KCNMB2: variants seen among roughly 807,000 people sequenced by gnomAD.
KCNMB2 encodes potassium calcium-activated channel subfamily M regulatory beta subunit 2.
A neutral mutation model predicts 24.5 loss-of-function variants in KCNMB2; 9 were observed. The observed-to-expected ratio is 0.37, with a 90% CI of 0.22 to 0.64. The LOEUF is 0.64. Among genes scored for constraint, KCNMB2 ranks in the 30% least tolerant of loss-of-function variants. The probability of loss-of-function intolerance (pLI) is 0.63; values close to 1 mark genes in which losing one functional copy is unlikely to be tolerated. For missense variants in KCNMB2, 226 were observed against 284.3 expected, an observed-to-expected ratio of 0.79 and a Z score of 1.47; for synonymous variants, 109 against 104.4, an observed-to-expected ratio of 1.04 and a Z score of -0.27.
chr3:178,632,462 C>A (rs1719355181), intron 1 of KCNMB2, among the ~76,000 whole-genome samples: 1 of 152,120 alleles, frequency 6.6e-6, no homozygotes, highest in South Asian at 2.1e-4. Flanking sequence ...CAAATATGTC[C>A]TTCTTCACAT....
At chr3:178,691,127 T>TTTTTTTTTTTA (rs1721659605) in intron 1 of KCNMB2, among the ~76,000 whole-genome samples, 1 of 145,770 alleles carries the variant, frequency 6.9e-6, no homozygotes, top group Non-Finnish European at 1.5e-5. Context: ...TTTTTTTTTT[T>TTTTTTTTTTTA]GATAGAGACG....
rs1013561103 is a variant in KCNMB2, at chr3:178,844,115, G to A, written c.*1178G>A. 6 of 152,362 alleles carry A rather than the reference G, an allele frequency of 3.9e-5. No individual in the cohort carries two copies. Among genetic ancestry groups the A allele is most frequent in the Admixed American group, 2.0e-4 (3 of 15,244 alleles). 9.4% of individuals were successfully genotyped at this position (152,362 alleles called of 1,614,324 possible). A position where few individuals can be genotyped will look rare whatever the true frequency, so the allele number is the denominator to read the frequency against. On this transcript the variant is annotated 3_prime_UTR_variant, in exon 5 of 5. Coordinates refer to ENST00000452583, the MANE Select transcript of KCNMB2 (RefSeq NM_181361.3). ...CACATTGCTATTTACTTTTGTGTTT[G>A]GGGGAAAATACGAGGGATTGATTTT...
intron 1 of KCNMB2, among the ~76,000 whole-genome samples, chr3:178,542,988 G>A (rs1344764599): frequency 6.6e-6 from 1 of 152,122 alleles, no homozygotes; most frequent in Non-Finnish European, 1.5e-5. Context: ...ACCATGCTTG[G>A]CACAAATTAG....
At chr3:178,578,392 G>C (rs556230470) in intron 1 of KCNMB2, among the ~76,000 whole-genome samples, 10 of 152,246 alleles carry the variant, frequency 6.6e-5, no homozygotes, top group African/African-American at 1.9e-4. Flanking sequence ...TAAATATGGA[G>C]AGGAAAAACT....
chr3:178,696,000 G>A (rs1202097889), intron 1 of KCNMB2, among the ~76,000 whole-genome samples: 4 of 152,158 alleles, frequency 2.6e-5, no homozygotes, highest in African/African-American at 9.7e-5. Context: ...CTGAGACTGG[G>A]TCATTTATAA....
At chr3:178,665,492 C>T (rs1236443370) in intron 1 of KCNMB2, among the ~76,000 whole-genome samples, 1 of 152,066 alleles carries the variant, frequency 6.6e-6, no homozygotes, top group East Asian at 1.9e-4. Flanking sequence ...CATAGTGTTT[C>T]TTTATAGTGT....
At position 178,623,456 on chromosome 3, in the gene KCNMB2, G is replaced by A. The variant is rs538481848; in HGVS notation, c.-68+86745G>A. ...AATCATCAACTTGAATTTTAGTTCT[G>A]ACAGTGAACAAGCCAGGAACTCTTA... is the stretch of plus-strand genomic sequence containing the variant. On this transcript the variant is annotated intron_variant, in intron 1 of 4. Transcript: ENST00000452583. Among the ~76,000 whole-genome samples, 74 of 152,258 alleles carry A rather than the reference G, an allele frequency of 4.9e-4. 1 individual carries two copies. The highest frequency in any genetic ancestry group is 1.7e-3 in the African/African-American group (70 of 41,550).
chr3:178,564,943 A>G lies in KCNMB2; in HGVS notation c.-68+28232A>G, dbSNP rs976399580. Among the ~76,000 whole-genome samples the G allele has an allele frequency of 4.6e-5, 7 of 152,336 alleles. 1 individual carries two copies. The highest frequency in any genetic ancestry group is 3.4e-3 in the Middle Eastern group (1 of 294). The stretch of plus-strand genomic sequence containing the variant: ...TTATTTGGTGAAACAAACTTATGAT[A>G]CATCTATATTCTAGAATACTTTGAA... On this transcript the variant is annotated intron_variant, in intron 1 of 4. Coordinates refer to ENST00000452583, the MANE Select transcript of KCNMB2 (RefSeq NM_181361.3).
chr3:178,566,268 C>A (rs1439258668), intron 1 of KCNMB2, among the ~76,000 whole-genome samples: 2 of 152,078 alleles, frequency 1.3e-5, no homozygotes, highest in East Asian at 3.8e-4. Context: ...AAGGTAAAAC[C>A]ATGTTTAGAA....
At chr3:178,550,626 T>C (rs950104731) in intron 1 of KCNMB2, among the ~76,000 whole-genome samples, 7 of 152,112 alleles carry the variant, frequency 4.6e-5, no homozygotes, top group Non-Finnish European at 7.4e-5. Flanking sequence ...GATATTTTAA[T>C]AGACAGAAAA....
At chr3:178,568,210 A>G (rs1716595913) in intron 1 of KCNMB2, among the ~76,000 whole-genome samples, 1 of 152,152 alleles carries the variant, frequency 6.6e-6, no homozygotes, top group African/African-American at 2.4e-5. Flanking sequence ...AGATAAGAAG[A>G]TATGTAATCA....
At chr3:178,658,166 A>G (rs1720408000) in intron 1 of KCNMB2, among the ~76,000 whole-genome samples, 2 of 152,230 alleles carry the variant, frequency 1.3e-5, no homozygotes, top group Non-Finnish European at 2.9e-5. Flanking sequence ...AAGGAAAGGA[A>G]GTGATGACAA....
At chr3:178,623,703 C>A (rs1440151695) in intron 1 of KCNMB2, among the ~76,000 whole-genome samples, 2 of 152,044 alleles carry the variant, frequency 1.3e-5, no homozygotes, top group African/African-American at 4.8e-5. Flanking sequence ...ATAATTCATT[C>A]TAGGTTTTTG....
At chr3:178,660,252 G>A (rs970390305) in intron 1 of KCNMB2, among the ~76,000 whole-genome samples, 6 of 152,066 alleles carry the variant, frequency 3.9e-5, no homozygotes, top group South Asian at 2.1e-4. Context: ...ATAAGAAAAC[G>A]TATGCAAAAT....
intron 2 of KCNMB2, chr3:178,820,802 C>T (rs560987921): frequency 1.3e-5 from 2 of 152,204 alleles, no homozygotes; most frequent in African/African-American, 2.4e-5. Context: ...TTTTGTTATA[C>T]TTGGATTTGC....
rs1047407945 is a variant in KCNMB2, at chr3:178,843,234, C to T, written c.*297C>T. The T allele has an allele frequency of 4.0e-6, 2 of 502,814 alleles. No individual in the cohort carries two copies. Among genetic ancestry groups the T allele is most frequent in the Non-Finnish European group, 7.8e-6 (2 of 257,956 alleles). The allele number at this position is 502,814 out of a possible 1,614,324, so 31.1% of individuals were successfully genotyped here. On this transcript the variant is annotated 3_prime_UTR_variant, in exon 5 of 5. Transcript: ENST00000452583. ...AGGGCTCAGTTATTCATTTGCCAAG[C>T]TTCGTGGAGGAATGTAGGTGACATC...
At chr3:178,708,712 A>C (rs537356440) in intron 1 of KCNMB2, among the ~76,000 whole-genome samples, 1 of 152,250 alleles carries the variant, frequency 6.6e-6, no homozygotes, top group African/African-American at 2.4e-5. Flanking sequence ...CTCAGCAAAA[A>C]AAAGCCCCTA....
intron 1 of KCNMB2, among the ~76,000 whole-genome samples, chr3:178,798,412 CT>C (rs1433297852): frequency 1.3e-5 from 2 of 150,344 alleles, no homozygotes; most frequent in Non-Finnish European, 3.0e-5. Context: ...TGTTTGTTTG[CT>C]TGTTTTGGTT....
At chr3:178,782,114 G>A (rs368394853) in intron 1 of KCNMB2, among the ~76,000 whole-genome samples, 10,090 of 111,946 alleles carry the variant, frequency 0.09, 456 homozygotes, top group Non-Finnish European at 0.12. Flanking sequence ...TACAAAGGAC[G>A]TGAACTCATC....
Sources: allele counts gnomAD v4.1 joint callset (sites outside exome capture counted in the v4.1 genomes callset), GRCh38; gene constraint gnomAD v4.1.1; transcripts MANE v1.5; gene names NCBI Gene and HGNC (gene_info 2026-07-23, HGNC 2026-07-21).